SV2B: variants seen among roughly 807,000 people sequenced by gnomAD.
SV2B encodes the protein solute carrier family 22 member B2.
In SV2B, 41 loss-of-function variants were observed where a neutral mutation model predicts 73.9. The ratio of observed to expected loss-of-function variants is 0.56; its 90% CI spans 0.43 to 0.72. SV2B has a LOEUF of 0.72. Among genes scored for constraint, SV2B ranks in the 30% least tolerant of loss-of-function variants. The pLI, the probability that SV2B is intolerant of heterozygous loss-of-function variation, is 0.00. For missense variants in SV2B, 764 were observed against 857.8 expected, an observed-to-expected ratio of 0.89 and a Z score of 1.37; for synonymous variants, 314 against 314.2, an observed-to-expected ratio of 1.00 and a Z score of 0.01.
intron 1 of SV2B, among the ~76,000 whole-genome samples, chr15:91,212,523 A>G (rs1032072010): frequency 3.9e-5 from 6 of 152,212 alleles, no homozygotes; most frequent in Non-Finnish European, 8.8e-5. Flanking sequence ...TGTCAGTCTT[A>G]GCATTTACTT....
At chr15:91,266,327 G>C (rs1208692894) in intron 6 of SV2B, among the ~76,000 whole-genome samples, 2 of 152,122 alleles carry the variant, frequency 1.3e-5, no homozygotes, top group Non-Finnish European at 2.9e-5. Flanking sequence ...TTTCCCTTCT[G>C]CTGTCTCCTC....
chr15:91,179,989 G>A (rs1026440536), intron 1 of SV2B, among the ~76,000 whole-genome samples: 3 of 151,274 alleles, frequency 2.0e-5, no homozygotes, highest in East Asian at 2.0e-4. Flanking sequence ...TCCTAGTCTC[G>A]ATGGTCTTTA....
intron 1 of SV2B, among the ~76,000 whole-genome samples, chr15:91,155,317 A>G (rs551869239): frequency 7.9e-5 from 12 of 152,310 alleles, no homozygotes; most frequent in Non-Finnish European, 1.6e-4. Flanking sequence ...ATCCTATGCC[A>G]GTGAGTATTA....
chr15:91,246,245 T>C (rs986581643), intron 2 of SV2B, among the ~76,000 whole-genome samples: 1 of 152,220 alleles, frequency 6.6e-6, no homozygotes, highest in African/African-American at 2.4e-5. Flanking sequence ...TCCTTTTTCC[T>C]CATATTCCTT....
chr15:91,222,082 T>C (rs950792482), intron 1 of SV2B, among the ~76,000 whole-genome samples: 7 of 152,170 alleles, frequency 4.6e-5, no homozygotes, highest in African/African-American at 1.7e-4. Flanking sequence ...TTCCTCTCCA[T>C]TGTTTGTTTC....
At chr15:91,183,728 A>T (rs924103540) in intron 1 of SV2B, among the ~76,000 whole-genome samples, 2 of 152,240 alleles carry the variant, frequency 1.3e-5, no homozygotes, top group Admixed American at 6.5e-5. Flanking sequence ...CCCAGTCTCA[A>T]AGCTGTATAA....
chr15:91,196,514 T>C (rs1462516372), intron 1 of SV2B, among the ~76,000 whole-genome samples: 1 of 152,164 alleles, frequency 6.6e-6, no homozygotes, highest in Non-Finnish European at 1.5e-5. Flanking sequence ...AGGCAGAGAC[T>C]GGGAGGCCGG....
chr15:91,280,083 A>G lies in SV2B; in HGVS notation c.1374-1645A>G, dbSNP rs1196625329. On this transcript the variant is annotated intron_variant, in intron 9 of 12. Transcript: ENST00000394232. This position sits in a 1 kb window ranked among gnomAD's most constrained non-coding sequence, Gnocchi z 5.8. ...TGTAGGCTGGAATTTAGGAAATGAC[A>G]TCTTTAATAATAACCTCAAGTTTAT... is the stretch of plus-strand genomic sequence containing the variant. Among the ~76,000 whole-genome samples, 1 of 152,220 alleles carries G rather than the reference A, an allele frequency of 6.6e-6. No individual in the cohort carries two copies. The highest frequency in any genetic ancestry group is 1.5e-5 in the Non-Finnish European group (1 of 68,044).
rs1413157943 is a variant in SV2B, at chr15:91,294,608, A to C, written c.*2056A>C. 1 of 151,700 alleles carries C rather than the reference A, an allele frequency of 6.6e-6. No homozygotes were observed. The highest frequency in any genetic ancestry group is 1.9e-4 in the East Asian group (1 of 5,200). 9.4% of individuals were successfully genotyped at this position (151,700 alleles called of 1,614,324 possible). On this transcript the variant is annotated 3_prime_UTR_variant, in exon 13 of 13. Transcript: ENST00000394232. This position sits in a 1 kb window ranked among gnomAD's most constrained non-coding sequence, Gnocchi z 4.1. ...TAGGTTCATAAAAGAGAATTGTGTG[A>C]GTCTGGGATTACCACATCTAAAACA...
intron 1 of SV2B, among the ~76,000 whole-genome samples, chr15:91,119,275 T>G (rs1291236758): frequency 6.6e-6 from 1 of 152,190 alleles, no homozygotes; most frequent in African/African-American, 2.4e-5. Flanking sequence ...CTCCAATGGA[T>G]GAAGAAAGAA....
chr15:91,117,308 C>T (rs2042208299), intron 1 of SV2B, among the ~76,000 whole-genome samples: 1 of 152,242 alleles, frequency 6.6e-6, no homozygotes, highest in Non-Finnish European at 1.5e-5. Flanking sequence ...CTATCTTACA[C>T]ACTTGTTAAA....
chr15:91,127,870 G>GAGTAGAACT lies in SV2B; in HGVS notation c.-392+27508_-392+27509insGTAGAACTA, dbSNP rs532756626. Among the ~76,000 whole-genome samples, 78 of 152,324 alleles carry GAGTAGAACT rather than the reference G, an allele frequency of 5.1e-4. No individual in the cohort carries two copies. In the East Asian group the frequency reaches 0.011, roughly 22 times the overall value. On this transcript the variant is annotated intron_variant, in intron 1 of 12. Transcript: ENST00000394232. Reference sequence around the variant, plus strand: ...TGTGCTAATTTTGCAAAGCTATGCAGATTCAGGAGTAGTTCTTTGAGCTTT... The same window carrying GAGTAGAACT: ...TGTGCTAATTTTGCAAAGCTATGCAGAGTAGAACTATTCAGGAGTAGTTCTTTGAGCTTT...
At position 91,118,154 on chromosome 15, in the gene SV2B, C is replaced by G. The variant is rs141898970; in HGVS notation, c.-392+17791C>G. Among the ~76,000 whole-genome samples the G allele has an allele frequency of 1.8e-3, 274 of 152,240 alleles. 1 individual carries two copies. The highest frequency in any genetic ancestry group is 0.014 in the Middle Eastern group (4 of 294). ...CCCCATAAAACCAAGAAAAGGGCCT[C>G]CAAGAGACTCCCTTATGGGGAGTGG... On this transcript the variant is annotated intron_variant, in intron 1 of 12. Coordinates refer to ENST00000394232, the MANE Select transcript of SV2B (RefSeq NM_001323032.3). The surrounding 1 kb of genome is among the most constrained non-coding windows in gnomAD (Gnocchi z 4.7).
chr15:91,150,124 C>T (rs533204175), intron 1 of SV2B, among the ~76,000 whole-genome samples: 1 of 152,208 alleles, frequency 6.6e-6, no homozygotes, highest in Non-Finnish European at 1.5e-5. Context: ...CTGCCTCAGC[C>T]TCCCAAGCAG....
At chr15:91,182,701 T>C (rs2044627772) in intron 1 of SV2B, among the ~76,000 whole-genome samples, 1 of 152,214 alleles carries the variant, frequency 6.6e-6, no homozygotes, top group South Asian at 2.1e-4. Flanking sequence ...TCTGTTCTTA[T>C]GGCAGAAGTC....
Position 91,252,512 on chromosome 15 carries a change from C to T in SV2B, c.776C>T (p.Pro259Leu). ...YASAMAWSII[P>L]HYGWGFSMGT... is the part of the protein sequence containing the mutation. The stretch of plus-strand genomic sequence containing the variant: ...TCTGCCATGGCCTGGAGCATCATCC[C>T]ACACTATGGTGAGTCATGGCTCCAA... The change falls in exon 4 of 13, where the codon CCA (proline) becomes CTA (leucine). Residue 259 changes from proline (P) to leucine (L), a missense_variant. Coordinates refer to ENST00000394232, the MANE Select transcript of SV2B (RefSeq NM_001323032.3). This position sits in a 1 kb window ranked among gnomAD's most constrained non-coding sequence, Gnocchi z 4.6. 6.2e-7 allele frequency: 1 copy of T among 1,607,626 alleles called. No homozygotes were observed. Among genetic ancestry groups the T allele is most frequent in the Non-Finnish European group, 8.5e-7 (1 of 1,176,700 alleles).
intron 9 of SV2B, among the ~76,000 whole-genome samples, chr15:91,271,230 C>T (rs62026608): frequency 0.31 from 47,563 of 151,974 alleles, 8,919 homozygotes; most frequent in African/African-American, 0.52. Context: ...TGCCTCTCCC[C>T]GCCCCACGGG....
chr15:91,224,320 G>A lies in SV2B; in HGVS notation c.-391-1553G>A, dbSNP rs1270001382. On this transcript the variant is annotated intron_variant, in intron 1 of 12. Transcript: ENST00000394232. This position sits in a 1 kb window ranked among gnomAD's most constrained non-coding sequence, Gnocchi z 4.9. The stretch of plus-strand genomic sequence containing the variant: ...CTGTGGGCAGGTGGTTTGACCTGGG[G>A]CGTGAGTCTCTGGTAGCCTCAATGT... 6.6e-6 allele frequency among the ~76,000 whole-genome samples: 1 copy of A among 152,204 alleles called. No individual in the cohort carries two copies. Among genetic ancestry groups the A allele is most frequent in the Admixed American group, 6.5e-5 (1 of 15,282 alleles).
In SV2B at chr15:91,132,560, C is replaced by A. The variant is rs2042688057; in HGVS notation, c.-392+32197C>A. ...GACAGCCAATTTTCCATCTGCTCTG[C>A]AGAAAAGGTCAAAGGGACCAGTAGC... On this transcript the variant is annotated intron_variant, in intron 1 of 12. Coordinates refer to ENST00000394232, the MANE Select transcript of SV2B (RefSeq NM_001323032.3). The surrounding 1 kb of genome is among the most constrained non-coding windows in gnomAD (Gnocchi z 4.6). Among the ~76,000 whole-genome samples, 2 of 152,178 alleles carry A rather than the reference C, an allele frequency of 1.3e-5. No homozygotes were observed. The highest frequency in any genetic ancestry group is 2.9e-5 in the Non-Finnish European group (2 of 68,034).
Sources: gnomAD v4.1 joint callset for allele counts (sites outside exome capture counted in the v4.1 genomes callset) on GRCh38, gnomAD v4.1.1 for gene constraint, Gnocchi (gnomAD v3.1) non-coding constraint, MANE v1.5 for transcripts, NCBI Gene and HGNC (gene_info 2026-07-23, HGNC 2026-07-21) for gene names.